The following EBF4 variants were observed in gnomAD, a reference collection of about 807,000 sequenced individuals.
The protein encoded by EBF4 is EBF transcription factor 4, also known as transcription factor COE4.
EBF4 carries 34 observed loss-of-function variants against 67.1 expected under a neutral mutation model. The observed-to-expected ratio is 0.51, with a 90% confidence interval of 0.39 to 0.67. The LOEUF (loss-of-function observed/expected upper bound fraction) is 0.67, where lower values mean the gene tolerates loss of function less well. Among genes scored for constraint, EBF4 ranks in the 30% least tolerant of loss-of-function variants. The probability of loss-of-function intolerance (pLI) is 0.00; values close to 1 mark genes in which losing one functional copy is unlikely to be tolerated. For missense variants in EBF4, 837 were observed against 873.3 expected (o/e 0.96, Z 0.52); for synonymous variants, 387 against 377.7 (o/e 1.02, Z -0.29).
At chr20:2,748,651 T>C in intron 7 of EBF4, 21 bp downstream of exon 7, 1 of 1,547,850 alleles carries the variant, frequency 6.5e-7, no homozygotes. Flanking sequence ...AGAGAGGGTT[T>C]CCCCTTGCAA....
chr20:2,757,658 A>T (rs368797049), intron 15 of EBF4, among the ~76,000 whole-genome samples: 2 of 152,230 alleles, frequency 1.3e-5, no homozygotes, highest in African/African-American at 4.8e-5. Flanking sequence ...CATTAAGAAC[A>T]TAACATGGCC....
intron 6 of EBF4, among the ~76,000 whole-genome samples, chr20:2,727,217 T>C (rs1280629769): frequency 1.3e-5 from 2 of 152,178 alleles, no homozygotes; most frequent in African/African-American, 4.8e-5. Flanking sequence ...TACATCGCAT[T>C]GTATGTATAT....
chr20:2,731,290 C>A (rs2087810144), intron 6 of EBF4, among the ~76,000 whole-genome samples: 1 of 152,176 alleles, frequency 6.6e-6, no homozygotes, highest in African/African-American at 2.4e-5. Context: ...TTAGTTCTCT[C>A]AAAACAGTCC....
intron 6 of EBF4, among the ~76,000 whole-genome samples, chr20:2,715,963 G>A (rs2087603068): frequency 6.6e-6 from 1 of 151,912 alleles, no homozygotes; most frequent in Non-Finnish European, 1.5e-5. Context: ...TGGCCAGGCT[G>A]GTCTCGAACT....
chr20:2,748,357 T>C (rs2088083994), intron 6 of EBF4, among the ~76,000 whole-genome samples, 192 bp from the exon 7 acceptor site: 2 of 152,156 alleles, frequency 1.3e-5, no homozygotes, highest in South Asian at 4.1e-4. Flanking sequence ...GTTGTCATTG[T>C]GATGGGTCTG....
At chr20:2,704,986 T>A (rs1568567575) in intron 1 of EBF4, among the ~76,000 whole-genome samples, 2 of 152,258 alleles carry the variant, frequency 1.3e-5, no homozygotes, top group Non-Finnish European at 2.9e-5. Context: ...TCCCAAAGCC[T>A]GGAGGCAGGT....
chr20:2,720,231 G>A (rs1453263465), intron 6 of EBF4, among the ~76,000 whole-genome samples: 1 of 152,100 alleles, frequency 6.6e-6, no homozygotes, highest in African/African-American at 2.4e-5. Flanking sequence ...CAAGTAGCTG[G>A]GATTGCAGGC....
chr20:2,748,775 G>A, intron 7 of EBF4, 145 bp downstream of exon 7: 5 of 918,280 alleles, frequency 5.4e-6, no homozygotes, highest in Non-Finnish European at 8.0e-6. Context: ...TCCCCAGCCT[G>A]GTTGGTGCCT....
rs1405973084 is a variant in EBF4 at position 2,756,302 on chromosome 20, C to T, written c.1738+478C>T. Among the ~76,000 whole-genome samples, 2 of 152,262 alleles carry T rather than the reference C, an allele frequency of 1.3e-5. No homozygotes were observed. The highest frequency in any genetic ancestry group is 2.9e-5 in the Non-Finnish European group (2 of 68,048). ...GCCCAGCTTCCCTCCCCGCATTTTA[C>T]AGATTAGGACTTGAGACCAAGTCAT... is the stretch of plus-strand genomic sequence containing the variant. On this transcript the variant is annotated intron_variant, in intron 15 of 16. Coordinates refer to ENST00000609451, the Ensembl canonical transcript of EBF4. This position sits in a 1 kb window ranked among gnomAD's most constrained non-coding sequence, Gnocchi z 4.5.
In EBF4 at chr20:2,696,094, C is replaced by T. The variant is rs971173078; in HGVS notation, c.137+2312C>T. Reference sequence around the variant, plus strand: ...GCCTAGCCCCAGCCATTCACCACTCCCCTAAAACCATCTTCCCTGCATTGG... The same window carrying T: ...GCCTAGCCCCAGCCATTCACCACTCTCCTAAAACCATCTTCCCTGCATTGG... On this transcript the variant is annotated intron_variant, in intron 1 of 16. Coordinates refer to ENST00000609451, the Ensembl canonical transcript of EBF4. This position sits in a 1 kb window ranked among gnomAD's most constrained non-coding sequence, Gnocchi z 4.7. 2.0e-5 allele frequency among the ~76,000 whole-genome samples: 3 copies of T among 152,224 alleles called. No homozygotes were observed. Among genetic ancestry groups the T allele is most frequent in the Admixed American group, 1.3e-4 (2 of 15,278 alleles).
intron 6 of EBF4, among the ~76,000 whole-genome samples, chr20:2,729,147 A>G (rs2087781423): frequency 6.6e-6 from 1 of 152,098 alleles, no homozygotes; most frequent in Admixed American, 6.5e-5. Context: ...ATATGAAAAC[A>G]ATATGCTGAG....
intron 6 of EBF4, among the ~76,000 whole-genome samples, chr20:2,744,168 C>T (rs1208205197): frequency 6.6e-6 from 1 of 151,780 alleles, no homozygotes; most frequent in East Asian, 1.9e-4. Context: ...GCAACCTCCG[C>T]CTCCCGGGTT....
intron 14 of EBF4, among the ~76,000 whole-genome samples, chr20:2,754,720 G>A (rs1238728660): frequency 6.6e-6 from 1 of 152,184 alleles, no homozygotes; most frequent in African/African-American, 2.4e-5. Flanking sequence ...GAGAGAGGCA[G>A]GGAATTGGGT....
chr20:2,742,283 C>T (rs2087979545), intron 6 of EBF4, among the ~76,000 whole-genome samples: 1 of 152,202 alleles, frequency 6.6e-6, no homozygotes, highest in African/African-American at 2.4e-5. Context: ...TGCAGACCGA[C>T]ACGACCTGGG....
upstream of EBF4, chr20:2,693,532 G>C: frequency 8.1e-7 from 1 of 1,238,148 alleles, no homozygotes; most frequent in Non-Finnish European, 1.0e-6. The surrounding 1 kb of genome is among the most constrained non-coding windows in gnomAD (Gnocchi z 4.6). Flanking sequence ...ACCCGGACTC[G>C]GCGCTGCGCT....
Position 2,751,880 on chromosome 20 carries a change from G to A in EBF4, c.1108-42G>A. The A allele has an allele frequency of 6.5e-7, 1 of 1,548,914 alleles. No individual in the cohort carries two copies. On this transcript the variant is annotated intron_variant, in intron 11 of 16. Coordinates refer to ENST00000609451, the Ensembl canonical transcript of EBF4. The surrounding 1 kb of genome is among the most constrained non-coding windows in gnomAD (Gnocchi z 5.2). ...CCCGAGGGCCCCTTGGTCGCCCCCA[G>A]GGGCTGCCCCTCCGTCCCGCTGTCT...
intron 6 of EBF4, among the ~76,000 whole-genome samples, chr20:2,715,688 T>C (rs2087599251): frequency 6.6e-6 from 1 of 152,242 alleles, no homozygotes; most frequent in Admixed American, 6.5e-5. Context: ...TGTGATGGCC[T>C]TAATTTGCAT....
chr20:2,752,444 G>C, exon 14 of EBF4: 1 of 1,292,594 alleles, frequency 7.7e-7, no homozygotes, highest in Non-Finnish European at 9.8e-7. Flanking sequence ...GGCGGCCTCG[G>C]AGCTGGCCTG....
At chr20:2,710,697 G>T (rs573149857) in intron 6 of EBF4, among the ~76,000 whole-genome samples, 2 of 152,074 alleles carry the variant, frequency 1.3e-5, no homozygotes, top group African/African-American at 4.8e-5. Context: ...ACAGCAAACT[G>T]TCTCCCACCT....
Sources: gnomAD v4.1 joint callset for allele counts (sites outside exome capture counted in the v4.1 genomes callset) on GRCh38, gnomAD v4.1.1 for gene constraint, Gnocchi (gnomAD v3.1) non-coding constraint, MANE v1.5 for transcripts, NCBI Gene and HGNC (gene_info 2026-07-23, HGNC 2026-07-21) for gene names.